The following CDCP1 variants were observed in gnomAD, a reference collection of about 807,000 sequenced individuals.
The protein encoded by CDCP1 is CUB domain containing protein 1, also known as CUB domain-containing protein 1.
A neutral mutation model predicts 60.2 loss-of-function variants in CDCP1; 29 were observed. The ratio of observed to expected loss-of-function variants is 0.48; its 90% CI spans 0.36 to 0.66. CDCP1 has a LOEUF of 0.66. CDCP1 is among the 30% of genes least tolerant of loss of function. The pLI is 0.00. For synonymous variants in CDCP1, 387 were observed against 431.1 expected (o/e 0.90, Z 1.27); for missense variants, 876 against 1,074.3 (o/e 0.82, Z 2.58).
intron 8 of CDCP1, among the ~76,000 whole-genome samples, chr3:45,086,778 T>C (rs557812619): frequency 3.3e-5 from 5 of 152,386 alleles, no homozygotes; most frequent in Middle Eastern, 3.4e-3. Flanking sequence ...TGGACCTGCA[T>C]GGGCATTAGC....
intron 1 of CDCP1, 122 bp downstream of exon 1, chr3:45,146,084 C>A (rs1699381611): frequency 4.5e-6 from 4 of 879,344 alleles, no homozygotes; most frequent in Middle Eastern, 3.3e-4. Flanking sequence ...GCCGTCCCCG[C>A]CCTCTCTCCG....
Position 45,095,549 on chromosome 3 carries a change from G to A in CDCP1, c.1044C>T (p.Asp348=), listed in dbSNP as rs2125991327. 1 of 1,614,060 alleles carries A rather than the reference G, an allele frequency of 6.2e-7. No homozygotes were observed. Among genetic ancestry groups the A allele is most frequent in the South Asian group, 1.1e-5 (1 of 91,078 alleles). ...QNESNKIYVV[D]LSNERAMSLT... is the part of the protein sequence containing the mutation. Reference sequence around the variant, plus strand: ...GTGACATGGCTCGCTCATTACTCAAGTCAACCACGTAGATTTTATCTGAAA... The same window carrying A: ...GTGACATGGCTCGCTCATTACTCAAATCAACCACGTAGATTTTATCTGAAA... Residue 348 remains aspartate, a synonymous_variant, in exon 5 of 9, where the codon GAC becomes GAT. Coordinates refer to ENST00000296129, the MANE Select transcript of CDCP1 (RefSeq NM_022842.5).
rs1698127749 is a variant in CDCP1 at position 45,082,899 on chromosome 3, C to G, written c.*2739G>C. 6.6e-6 allele frequency: 1 copy of G among 152,252 alleles called. No homozygotes were observed. The highest frequency in any genetic ancestry group is 6.5e-5 in the Admixed American group (1 of 15,290). 9.4% of individuals were successfully genotyped at this position (152,252 alleles called of 1,614,324 possible). A position where few individuals can be genotyped will look rare whatever the true frequency, so the allele number is the denominator to read the frequency against. ...GGCTTTAAAGAAAAGAGCCAGGGTT[C>G]CTCAGGCTGGGCCCCTTCACTGAGG... On this transcript the variant is annotated 3_prime_UTR_variant, in exon 9 of 9. Coordinates refer to ENST00000296129, the MANE Select transcript of CDCP1 (RefSeq NM_022842.5).
chr3:45,099,573 T>A (rs989619250), intron 4 of CDCP1, among the ~76,000 whole-genome samples: 3 of 152,186 alleles, frequency 2.0e-5, no homozygotes, highest in African/African-American at 7.2e-5. Flanking sequence ...TATTTTGTGA[T>A]GATTCCCTTC....
intron 8 of CDCP1, among the ~76,000 whole-genome samples, chr3:45,087,036 A>G (rs1281040631): frequency 1.3e-5 from 2 of 152,210 alleles, no homozygotes; most frequent in Non-Finnish European, 2.9e-5. Context: ...TGGGTTCCTA[A>G]GGCTCCTGCC....
chr3:45,097,359 C>A (rs117122086), intron 4 of CDCP1, among the ~76,000 whole-genome samples: 1 of 151,678 alleles, frequency 6.6e-6, no homozygotes, highest in Non-Finnish European at 1.5e-5. Flanking sequence ...AATAGGGATA[C>A]CTTTTCAACT....
At chr3:45,116,241 A>AG (rs1260551522) in intron 2 of CDCP1, among the ~76,000 whole-genome samples, 1 of 147,428 alleles carries the variant, frequency 6.8e-6, no homozygotes, top group East Asian at 2.0e-4. Context: ...TGTTCTGTTA[A>AG]AAAAAAAAAA....
chr3:45,110,175 G>T, intron 4 of CDCP1: 1 of 1,225,352 alleles, frequency 8.2e-7, no homozygotes, highest in Non-Finnish European at 1.0e-6. Flanking sequence ...TCACATTGCA[G>T]GGTCAAGACA....
chr3:45,112,541 G>T, intron 2 of CDCP1, 96 bp from the exon 3 acceptor site: 1 of 1,516,844 alleles, frequency 6.6e-7, no homozygotes. Context: ...TAGACTCTTT[G>T]GGGCTCCCCC....
In CDCP1 at chr3:45,112,106, A is replaced by G. The variant is rs1340091161; in HGVS notation, c.632T>C (p.Ile211Thr). ...ACGTTTTATAGATGAGCGGTTTGCA[A>G]TGCTGAAGCCGGAGACATTTCTGGG... ...FHPRNVSGFS[I>T]ANRSSIKRLC... Residue 211 changes from isoleucine (I) to threonine (T), a missense_variant, in exon 3 of 9, where the codon ATT (isoleucine) becomes ACT (threonine). By Grantham distance (89) the Ile-to-Thr change is moderately conservative. Coordinates refer to ENST00000296129, the MANE Select transcript of CDCP1 (RefSeq NM_022842.5). The G allele has an allele frequency of 1.2e-6, 2 of 1,613,814 alleles. No homozygotes were observed. Among genetic ancestry groups the G allele is most frequent in the South Asian group, 2.2e-5 (2 of 91,086 alleles).
At chr3:45,090,453 A>C (rs1698275118) in intron 7 of CDCP1, among the ~76,000 whole-genome samples, 1 of 152,250 alleles carries the variant, frequency 6.6e-6, no homozygotes, top group Non-Finnish European at 1.5e-5. Context: ...GAGACTAAAC[A>C]AAAAACCATG....
In CDCP1 at chr3:45,093,277, C is replaced by G; in HGVS notation, c.1627G>C (p.Glu543Gln). ...TGGAGATAGGGGAGACCCCCCTTAC[C>G]TTTGAAATAAGGTATAAAGGACACC... is the stretch of plus-strand genomic sequence containing the variant. ...LTVSFIPYFKEEGVFTVTPDT... is the reference protein window; with the variant it reads ...LTVSFIPYFKQEGVFTVTPDT... Residue 543 changes from glutamate to glutamine, a missense_variant and splice_region_variant, in exon 6 of 9, where the codon GAG (glutamate) becomes CAG (glutamine). Glu to Gln is a conservative substitution (Grantham distance 29). Around this residue, in one of 2 missense-constraint regions of CDCP1, gnomAD observed 726 missense variants for 935.7 expected, o/e 0.78. Coordinates refer to ENST00000296129, the MANE Select transcript of CDCP1 (RefSeq NM_022842.5). The G allele has an allele frequency of 6.2e-7, 1 of 1,612,518 alleles. No individual in the cohort carries two copies. Among genetic ancestry groups the G allele is most frequent in the Non-Finnish European group, 8.5e-7 (1 of 1,178,960 alleles).
intron 4 of CDCP1, 45 bp downstream of exon 4, chr3:45,110,428 G>A (rs765043111): frequency 7.5e-6 from 12 of 1,598,666 alleles, no homozygotes; most frequent in African/African-American, 5.4e-5. Flanking sequence ...AGGAAACAAC[G>A]AAGGTGCTGG....
intron 1 of CDCP1, among the ~76,000 whole-genome samples, chr3:45,127,001 G>A (rs757998912): frequency 3.9e-5 from 6 of 152,122 alleles, no homozygotes; most frequent in African/African-American, 7.2e-5. Context: ...AGCTAGCCCC[G>A]CCCGAAGAAC....
chr3:45,130,941 A>G (rs1699080984), intron 1 of CDCP1, among the ~76,000 whole-genome samples: 1 of 152,002 alleles, frequency 6.6e-6, no homozygotes. Flanking sequence ...ATCACAGCTC[A>G]CTGCAGCCTT....
rs2125997584 is a variant in CDCP1 at position 45,112,068 on chromosome 3, G to C, written c.655+15C>G. 1 of 1,608,914 alleles carries C rather than the reference G, an allele frequency of 6.2e-7. No homozygotes were observed. Among genetic ancestry groups the C allele is most frequent in the Non-Finnish European group, 8.5e-7 (1 of 1,177,052 alleles). The stretch of plus-strand genomic sequence containing the variant: ...TGTTTTAACCTAATCAGATAGCAGG[G>C]AGGGGCTTTCTCACGTTTTATAGAT... On this transcript the variant is annotated intron_variant, in intron 3 of 8. Transcript: ENST00000296129.
intron 1 of CDCP1, 106 bp downstream of exon 1, chr3:45,146,100 T>G (rs1699382350): frequency 9.5e-7 from 1 of 1,055,220 alleles, no homozygotes; most frequent in Non-Finnish European, 1.3e-6. Flanking sequence ...CTCCGCACCC[T>G]CCGCACCCTC....
intron 2 of CDCP1, among the ~76,000 whole-genome samples, chr3:45,115,382 T>G (rs72881511): frequency 0.015 from 2,236 of 152,338 alleles, 67 homozygotes; most frequent in African/African-American, 0.051. Context: ...TGATTGTGTG[T>G]GCATGTTTGT....
intron 4 of CDCP1, among the ~76,000 whole-genome samples, chr3:45,097,004 G>T (rs1009728340): frequency 1.3e-4 from 20 of 152,108 alleles, no homozygotes; most frequent in African/African-American, 4.8e-4. Flanking sequence ...CTATAATTTT[G>T]CCATTAGAAA....
Sources: allele counts gnomAD v4.1 joint callset (sites outside exome capture counted in the v4.1 genomes callset), GRCh38; gene constraint gnomAD v4.1.1; regional missense constraint gnomAD v4.1.1; transcripts MANE v1.5; gene names NCBI Gene and HGNC (gene_info 2026-07-23, HGNC 2026-07-21).